Variants in NXPH1 observed in about 807,000 individuals in gnomAD.
The protein encoded by NXPH1 is neurexophilin 1, also known as neurexophilin-1.
Under a neutral mutation model 23.7 loss-of-function variants are expected in NXPH1, and 5 were observed. The observed-to-expected ratio is 0.21, with a 90% CI of 0.11 to 0.44. NXPH1 has a LOEUF of 0.44. Among genes scored for constraint, NXPH1 ranks in the 20% least tolerant of loss-of-function variants. The pLI, the probability that NXPH1 is intolerant of heterozygous loss-of-function variation, is 0.99. For synonymous variants in NXPH1, 144 were observed against 122.2 expected (o/e 1.18, Z -1.18); for missense variants, 324 against 321.6 (o/e 1.01, Z -0.06).
chr7:8,709,432 A>G (rs1562461305), intron 2 of NXPH1, among the ~76,000 whole-genome samples: 1 of 152,176 alleles, frequency 6.6e-6, no homozygotes, highest in Non-Finnish European at 1.5e-5. Context: ...GATTTGTTAT[A>G]TAACTTGAGC....
At chr7:8,599,443 T>C (rs965911587) in intron 2 of NXPH1, among the ~76,000 whole-genome samples, 1 of 152,134 alleles carries the variant, frequency 6.6e-6, no homozygotes, top group African/African-American at 2.4e-5. Context: ...CATCCTGTCT[T>C]CCCCACTTAG....
At chr7:8,501,325 C>T (rs948230323) in intron 2 of NXPH1, among the ~76,000 whole-genome samples, 1 of 151,912 alleles carries the variant, frequency 6.6e-6, no homozygotes, top group Non-Finnish European at 1.5e-5. Context: ...TTCCTGGAAG[C>T]TTTTAGGAGT....
chr7:8,486,480 T>C (rs932194294), intron 2 of NXPH1, among the ~76,000 whole-genome samples: 3 of 152,202 alleles, frequency 2.0e-5, no homozygotes, highest in Non-Finnish European at 4.4e-5. Context: ...CCTCAAAGGA[T>C]ACATTCTTCT....
chr7:8,597,723 A>G (rs113225205), intron 2 of NXPH1, among the ~76,000 whole-genome samples: 1 of 105,958 alleles, frequency 9.4e-6, no homozygotes, highest in African/African-American at 3.4e-5. Flanking sequence ...GCGGGGGGGC[A>G]GTGTGGGGAG....
chr7:8,455,254 A>C (rs188995067), intron 2 of NXPH1, among the ~76,000 whole-genome samples: 3 of 152,316 alleles, frequency 2.0e-5, no homozygotes, highest in Admixed American at 6.5e-5. Context: ...GCATACGGCT[A>C]AAAAGAAAAT....
intron 2 of NXPH1, among the ~76,000 whole-genome samples, chr7:8,569,838 A>G (rs1818613063): frequency 6.6e-6 from 1 of 151,842 alleles, no homozygotes; most frequent in Non-Finnish European, 1.5e-5. Context: ...TTATTAGGAG[A>G]GGGATACCTA....
intron 2 of NXPH1, among the ~76,000 whole-genome samples, chr7:8,644,733 T>G (rs1359541505): frequency 6.6e-6 from 1 of 152,110 alleles, no homozygotes; most frequent in Non-Finnish European, 1.5e-5. Context: ...CCATCCAGAT[T>G]AAGAATTAGA....
chr7:8,679,148 C>T (rs1055647572), intron 2 of NXPH1, among the ~76,000 whole-genome samples: 2 of 151,720 alleles, frequency 1.3e-5, no homozygotes, highest in Non-Finnish European at 2.9e-5. Context: ...GGGGTTTCAC[C>T]GTGTTAGCCA....
chr7:8,617,848 C>G (rs962767294), intron 2 of NXPH1, among the ~76,000 whole-genome samples: 2 of 152,024 alleles, frequency 1.3e-5, no homozygotes, highest in Non-Finnish European at 2.9e-5. Context: ...ATGGGTACCC[C>G]ATTCTCAATG....
intron 2 of NXPH1, among the ~76,000 whole-genome samples, chr7:8,524,507 C>T (rs564946572): frequency 6.6e-6 from 1 of 152,228 alleles, no homozygotes; most frequent in African/African-American, 2.4e-5. Flanking sequence ...GAAATCATAG[C>T]ATGGATTGTT....
intron 2 of NXPH1, among the ~76,000 whole-genome samples, chr7:8,452,277 C>G (rs1816519742): frequency 6.6e-6 from 1 of 152,154 alleles, no homozygotes. Context: ...TCCAAGTTTT[C>G]TATGCTGACA....
intron 2 of NXPH1, among the ~76,000 whole-genome samples, chr7:8,558,700 TAA>T (rs1011636431): frequency 7.2e-5 from 11 of 151,846 alleles, no homozygotes; most frequent in South Asian, 2.1e-4. Context: ...TGATATTTAA[TAA>T]GTTTCATTTC....
intron 2 of NXPH1, among the ~76,000 whole-genome samples, chr7:8,673,867 G>A (rs1820909078): frequency 6.6e-6 from 1 of 151,710 alleles, no homozygotes; most frequent in African/African-American, 2.4e-5. Context: ...CATGGATTGA[G>A]CATTGAATAT....
intron 2 of NXPH1, among the ~76,000 whole-genome samples, chr7:8,542,122 C>T (rs1024492640): frequency 2.0e-5 from 3 of 149,704 alleles, no homozygotes; most frequent in Admixed American, 1.3e-4. Context: ...AACACTTTAT[C>T]AATTATAAGA....
At chr7:8,579,372 TTTTG>T (rs200717816) in intron 2 of NXPH1, among the ~76,000 whole-genome samples, 50,048 of 148,100 alleles carry the variant, frequency 0.34, 10,219 homozygotes, top group African/African-American at 0.61. Flanking sequence ...TGTTTTTTTT[TTTTG>T]TTTTGTTTTT....
chr7:8,725,966 C>A (rs368413321), intron 2 of NXPH1, among the ~76,000 whole-genome samples: 1 of 152,274 alleles, frequency 6.6e-6, no homozygotes, highest in African/African-American at 2.4e-5. Context: ...GGCAACTAAT[C>A]TCCATTATTT....
intron 2 of NXPH1, among the ~76,000 whole-genome samples, chr7:8,714,246 G>T (rs1779842961): frequency 1.3e-5 from 2 of 152,000 alleles, no homozygotes; most frequent in South Asian, 4.1e-4. Flanking sequence ...GTATTGCCAG[G>T]CTACCACTGG....
chr7:8,574,435 T>G (rs1818713446), intron 2 of NXPH1, among the ~76,000 whole-genome samples: 1 of 152,056 alleles, frequency 6.6e-6, no homozygotes, highest in African/African-American at 2.4e-5. Context: ...CATAGATGTT[T>G]TTATGGAGCC....
At chr7:8,438,844 G>A (rs1318467402) in intron 2 of NXPH1, among the ~76,000 whole-genome samples, 1 of 152,090 alleles carries the variant, frequency 6.6e-6, no homozygotes, top group African/African-American at 2.4e-5. Flanking sequence ...TGTTTTTTGA[G>A]AGACAAGTCT....
Sources: allele counts gnomAD v4.1 joint callset (sites outside exome capture counted in the v4.1 genomes callset), GRCh38; gene constraint gnomAD v4.1.1; transcripts MANE v1.5; gene names NCBI Gene and HGNC (gene_info 2026-07-23, HGNC 2026-07-21).